The following APTX variants were observed in gnomAD, a reference collection of about 807,000 sequenced individuals.
The protein encoded by APTX is forkhead-associated domain histidine triad-like protein.
APTX carries 33 observed loss-of-function variants against 42.3 expected under a neutral mutation model. The ratio of observed to expected loss-of-function variants is 0.78; its 90% confidence interval spans 0.59 to 1.04. APTX has a LOEUF of 1.04. APTX is among the 50% of genes least tolerant of loss of function. The pLI, the probability that APTX is intolerant of heterozygous loss-of-function variation, is 0.00. For missense variants in APTX, 421 were observed against 415.1 expected (o/e 1.01, Z -0.12); for synonymous variants, 130 against 146.7 (o/e 0.89, Z 0.82).
At chr9:33,001,421 A>T (rs989391043) in intron 1 of APTX, 146 bp downstream of exon 1, 5 of 1,541,010 alleles carry the variant, frequency 3.2e-6, no homozygotes, top group African/African-American at 2.7e-5. Flanking sequence ...GTAACAGGGG[A>T]GGACGGAGAA....
At chr9:32,984,486 G>A (rs1831413563) in intron 6 of APTX, 145 bp downstream of exon 6, 1 of 766,224 alleles carries the variant, frequency 1.3e-6, no homozygotes, top group South Asian at 1.5e-5. Flanking sequence ...GCAGAGAGGT[G>A]GAAGCTTCAG....
chr9:32,979,342 C>T (rs1414655524), intron 6 of APTX, among the ~76,000 whole-genome samples: 1 of 152,166 alleles, frequency 6.6e-6, no homozygotes, highest in Non-Finnish European at 1.5e-5. Flanking sequence ...GCCTACAGCT[C>T]CATCCATGTT....
chr9:33,014,328 T>A (rs10971317), intron 1 of APTX, among the ~76,000 whole-genome samples: 31,153 of 151,092 alleles, frequency 0.21, 3,405 homozygotes, highest in Middle Eastern at 0.29. Context: ...CTCACTCCCA[T>A]ATTTGGAGAT....
chr9:32,991,192 C>G (rs1328239111), intron 1 of APTX, among the ~76,000 whole-genome samples: 1 of 152,132 alleles, frequency 6.6e-6, no homozygotes, highest in Non-Finnish European at 1.5e-5. Context: ...TCCCAAAGTG[C>G]TGGGATTACA....
At chr9:32,984,984 G>C in intron 5 of APTX, 127 bp from the exon 6 acceptor site, 1 of 814,924 alleles carries the variant, frequency 1.2e-6, no homozygotes, top group Non-Finnish European at 2.0e-6. Flanking sequence ...GCCCAGTTTT[G>C]AGAGAGGAGA....
chr9:33,008,178 G>T (rs752148695), intron 1 of APTX, among the ~76,000 whole-genome samples: 15 of 151,788 alleles, frequency 9.9e-5, no homozygotes, highest in Non-Finnish European at 2.1e-4. Flanking sequence ...TCTGAGGGGA[G>T]GCCTATGAGG....
At chr9:32,995,617 A>G (rs1357709810) in intron 1 of APTX, among the ~76,000 whole-genome samples, 2 of 152,130 alleles carry the variant, frequency 1.3e-5, no homozygotes, top group South Asian at 2.1e-4. Context: ...GCTGGGTGTT[A>G]TGGCTCACAC....
rs1833180365 is a variant in APTX at position 32,989,985 on chromosome 9, C to G, written c.-4-90G>C. 4.0e-6 allele frequency: 6 copies of G among 1,505,380 alleles called. No individual in the cohort carries two copies. In the South Asian group the frequency reaches 7.2e-5, roughly 18 times the overall value. The allele number at this position is 1,505,380 out of a possible 1,614,324, so 93.3% of individuals were successfully genotyped here. A position where few individuals can be genotyped will look rare whatever the true frequency, so the allele number is the denominator to read the frequency against. ...CACCCGGTGCCACCACGCATGTGATCTACCAGCTGTTCATCTTGAGGCAAG... is the reference window on the plus strand; with the variant it reads ...CACCCGGTGCCACCACGCATGTGATGTACCAGCTGTTCATCTTGAGGCAAG... On this transcript the variant is annotated intron_variant, in intron 1 of 7. Transcript: ENST00000379817.
intron 5 of APTX, 74 bp from the exon 6 acceptor site, chr9:32,984,931 TAA>T: frequency 2.3e-6 from 3 of 1,333,014 alleles, no homozygotes; most frequent in Non-Finnish European, 3.2e-6. Context: ...TTATATTCAC[TAA>T]GTCACTTAAT....
Position 32,988,187 on chromosome 9 carries a change from C to T in APTX, c.134-58G>A, listed in dbSNP as rs17226291. ...GCAACAAAGAACCAGGCACTTGCTCCTATCTTCCCTAAAGAAAACAAGCTT... is the reference window on the plus strand; with the variant it reads ...GCAACAAAGAACCAGGCACTTGCTCTTATCTTCCCTAAAGAAAACAAGCTT... On this transcript the variant is annotated intron_variant, in intron 2 of 7. Coordinates refer to ENST00000379817, the MANE Select transcript of APTX (RefSeq NM_001195248.2). 141,511 of 1,500,254 alleles carry T rather than the reference C, an allele frequency of 0.094. 7,559 individuals carry two copies. The highest frequency in any genetic ancestry group is 0.11 in the Non-Finnish European group (119,708 of 1,076,616). The allele number at this position is 1,500,254 out of a possible 1,614,324, so 92.9% of individuals were successfully genotyped here.
At chr9:33,000,259 A>G (rs1456481622) in intron 1 of APTX, among the ~76,000 whole-genome samples, 1 of 152,200 alleles carries the variant, frequency 6.6e-6, no homozygotes, top group Non-Finnish European at 1.5e-5. Context: ...AAAGCATTCA[A>G]CACTATTATC....
In APTX at chr9:32,974,659, T is replaced by G. The variant is rs1222615203; in HGVS notation, c.771-98A>C. ...TGAGTACATTGTATATTCATACTAT[T>G]GAATACTCTTTGAATATTCATACTA... On this transcript the variant is annotated intron_variant, in intron 6 of 7. Coordinates refer to ENST00000379817, the MANE Select transcript of APTX (RefSeq NM_001195248.2). 9.7e-6 allele frequency: 7 copies of G among 719,206 alleles called. No individual in the cohort carries two copies. In the South Asian group the frequency reaches 1.0e-4, roughly 11 times the overall value. 44.6% of individuals were successfully genotyped at this position (719,206 alleles called of 1,614,324 possible).
intron 6 of APTX, among the ~76,000 whole-genome samples, chr9:32,983,794 C>A (rs1831257205): frequency 6.6e-6 from 1 of 151,984 alleles, no homozygotes; most frequent in African/African-American, 2.4e-5. Context: ...ATATGAGGTA[C>A]CTAGAGTAGT....
chr9:32,985,096 T>C (rs1831615890), intron 5 of APTX, among the ~76,000 whole-genome samples: 1 of 152,196 alleles, frequency 6.6e-6, no homozygotes, highest in East Asian at 1.9e-4. Context: ...GAGTCTGTTT[T>C]CAACCACCAC....
chr9:32,981,235 C>G (rs1192785968), intron 6 of APTX, among the ~76,000 whole-genome samples: 1 of 151,972 alleles, frequency 6.6e-6, no homozygotes, highest in Non-Finnish European at 1.5e-5. Context: ...TAGGACTGAA[C>G]AAGTAAATGA....
chr9:32,976,813 C>T (rs906753383), intron 6 of APTX, among the ~76,000 whole-genome samples: 4 of 152,154 alleles, frequency 2.6e-5, no homozygotes, highest in East Asian at 1.9e-4. Flanking sequence ...GTACAATACA[C>T]CTGCACAAGA....
At chr9:33,010,847 A>G (rs887138616) in intron 1 of APTX, among the ~76,000 whole-genome samples, 4 of 152,094 alleles carry the variant, frequency 2.6e-5, no homozygotes, top group Non-Finnish European at 5.9e-5. Flanking sequence ...GGGATATAGA[A>G]AGTGGTGAGG....
chr9:32,972,850 C>G lies in APTX; in HGVS notation c.*648G>C. On this transcript the variant is annotated 3_prime_UTR_variant, in exon 8 of 8. Coordinates refer to ENST00000379817, the MANE Select transcript of APTX (RefSeq NM_001195248.2). ...CGAACATGTGGCTGTTTCCTCACAG[C>G]CAGGAACCCTCGGTATTAGAAGAAA... 4.4e-6 allele frequency: 2 copies of G among 454,072 alleles called. No individual in the cohort carries two copies. The highest frequency in any genetic ancestry group is 8.8e-6 in the Non-Finnish European group (2 of 226,776). 28.1% of individuals were successfully genotyped at this position (454,072 alleles called of 1,614,324 possible).
chr9:33,008,122 G>A (rs1036892988), intron 1 of APTX, among the ~76,000 whole-genome samples: 8 of 151,986 alleles, frequency 5.3e-5, no homozygotes, highest in African/African-American at 1.2e-4. Flanking sequence ...GTTATGTCAT[G>A]GCACAAAGAT....
Sources: gnomAD v4.1 joint callset for allele counts (sites outside exome capture counted in the v4.1 genomes callset) on GRCh38, gnomAD v4.1.1 for gene constraint, MANE v1.5 for transcripts, NCBI Gene and HGNC (gene_info 2026-07-23, HGNC 2026-07-21) for gene names.